NEBL: variants seen among roughly 807,000 people sequenced by gnomAD.
NEBL encodes nebulette.
In NEBL, 122 loss-of-function variants were observed where a neutral mutation model predicts 140.2. That is an observed-to-expected ratio of 0.87 (90% CI 0.75 to 1.01). NEBL has a LOEUF of 1.01. Ranked by LOEUF, NEBL falls within the 50% of genes least tolerant of loss-of-function variation. The probability of loss-of-function intolerance (pLI) is 0.00; values close to 1 mark genes in which losing one functional copy is unlikely to be tolerated. For synonymous variants in NEBL, 436 were observed against 398.9 expected (o/e 1.09, Z -1.11); for missense variants, 1,365 against 1,231.3 (o/e 1.11, Z -1.62).
chr10:20,786,174 GC>G (rs1335214370), intron 27 of NEBL, among the ~76,000 whole-genome samples: 1 of 152,130 alleles, frequency 6.6e-6, no homozygotes, highest in Non-Finnish European at 1.5e-5. Flanking sequence ...CAAAAAGTAG[GC>G]TTTGAAATAA....
intron 3 of NEBL, among the ~76,000 whole-genome samples, chr10:21,180,721 A>G (rs113209489): frequency 6.6e-6 from 1 of 152,062 alleles, no homozygotes; most frequent in Non-Finnish European, 1.5e-5. Context: ...TGCCAATTTT[A>G]TCTCCAAAAA....
chr10:21,103,999 T>C (rs1837595344), intron 2 of NEBL, among the ~76,000 whole-genome samples: 1 of 152,196 alleles, frequency 6.6e-6, no homozygotes, highest in Admixed American at 6.5e-5. Flanking sequence ...TTTGTTTTGT[T>C]TTCTTTTCAT....
At chr10:20,874,042 T>C (rs1845238249) in intron 5 of NEBL, among the ~76,000 whole-genome samples, 1 of 152,234 alleles carries the variant, frequency 6.6e-6, no homozygotes, top group Non-Finnish European at 1.5e-5. Context: ...AATAACAGTA[T>C]AGAGTCTTAT....
At chr10:21,289,614 C>G (rs1843115313) in intron 1 of NEBL, among the ~76,000 whole-genome samples, 2 of 152,238 alleles carry the variant, frequency 1.3e-5, no homozygotes, top group South Asian at 4.2e-4. Flanking sequence ...AGGACTTCTC[C>G]AGAGCACCCA....
At chr10:20,791,478 A>C (rs1445539819) in intron 26 of NEBL, among the ~76,000 whole-genome samples, 1 of 152,144 alleles carries the variant, frequency 6.6e-6, no homozygotes. Flanking sequence ...ATCACAGCTC[A>C]CTTCAGCCTC....
intron 3 of NEBL, among the ~76,000 whole-genome samples, chr10:20,965,034 T>C (rs751400367): frequency 2.2e-4 from 34 of 152,242 alleles, no homozygotes; most frequent in Non-Finnish European, 4.1e-4. Flanking sequence ...ATTCTTCCTA[T>C]GTATGTTACA....
intron 5 of NEBL, among the ~76,000 whole-genome samples, chr10:20,877,387 C>T (rs73607539): frequency 0.022 from 3,367 of 152,254 alleles, 115 homozygotes; most frequent in African/African-American, 0.077. Context: ...CTAGTATATG[C>T]TACTGATATA....
At chr10:20,958,415 A>G (rs2131611867) in intron 4 of NEBL, among the ~76,000 whole-genome samples, 1 of 152,330 alleles carries the variant, frequency 6.6e-6, no homozygotes, top group East Asian at 1.9e-4. Context: ...AGTGCTGAAC[A>G]CATTGGCTGT....
At chr10:20,965,484 C>T (rs1349279682) in intron 3 of NEBL, among the ~76,000 whole-genome samples, 1 of 152,118 alleles carries the variant, frequency 6.6e-6, no homozygotes, top group African/African-American at 2.4e-5. Context: ...CAGAGCAAAG[C>T]CCTAAAACCC....
chr10:20,795,348 G>A (rs1445957260), intron 26 of NEBL, among the ~76,000 whole-genome samples: 1 of 152,132 alleles, frequency 6.6e-6, no homozygotes, highest in Non-Finnish European at 1.5e-5. Flanking sequence ...GTATATGTGT[G>A]GTAAACATCC....
upstream of NEBL, among the ~76,000 whole-genome samples, chr10:20,901,458 C>T (rs1261238976): frequency 6.6e-6 from 1 of 152,068 alleles, no homozygotes; most frequent in African/African-American, 2.4e-5. Flanking sequence ...ACTTATTTCA[C>T]TTTTTTCTCC....
intron 4 of NEBL, among the ~76,000 whole-genome samples, chr10:20,918,253 G>C (rs1327961038): frequency 6.6e-6 from 1 of 152,146 alleles, no homozygotes; most frequent in East Asian, 1.9e-4. Context: ...AGCTACTCAG[G>C]AGGCTGAGGC....
At chr10:20,840,481 T>C (rs1841309970) in intron 13 of NEBL, among the ~76,000 whole-genome samples, 1 of 152,136 alleles carries the variant, frequency 6.6e-6, no homozygotes, top group Non-Finnish European at 1.5e-5. Context: ...GCTTAAAAGA[T>C]GAAGTTAAAT....
In NEBL at chr10:20,823,157, C is replaced by T. The variant is rs543337818; in HGVS notation, c.1962+51G>A. 3.9e-5 allele frequency: 51 copies of T among 1,311,080 alleles called. 1 individual carries two copies. Among genetic ancestry groups the T allele is most frequent in the Middle Eastern group, 2.5e-4 (1 of 3,972 alleles). The allele number at this position is 1,311,080 out of a possible 1,614,324, so 81.2% of individuals were successfully genotyped here. On this transcript the variant is annotated intron_variant, in intron 19 of 27. Coordinates refer to ENST00000377122, the MANE Select transcript of NEBL (RefSeq NM_006393.3). ...CTGTACAGGTTTTATGCTGTCATTACGTGTTGATATACAATAAAATTTTTA... is the reference window on the plus strand; with the variant it reads ...CTGTACAGGTTTTATGCTGTCATTATGTGTTGATATACAATAAAATTTTTA...
intron 2 of NEBL, among the ~76,000 whole-genome samples, chr10:21,154,358 C>T (rs1441380653): frequency 6.6e-6 from 1 of 150,836 alleles, no homozygotes; most frequent in Non-Finnish European, 1.5e-5. Flanking sequence ...ACTCGGGAGG[C>T]TGAGGCAGGA....
intron 2 of NEBL, among the ~76,000 whole-genome samples, chr10:21,123,776 T>C (rs548135827): frequency 2.7e-5 from 4 of 150,600 alleles, no homozygotes; most frequent in African/African-American, 9.7e-5. Context: ...ATCTTCAACA[T>C]ATATAATTTT....
chr10:21,274,215 G>A (rs1176609797), intron 1 of NEBL, among the ~76,000 whole-genome samples: 1 of 152,162 alleles, frequency 6.6e-6, no homozygotes, highest in African/African-American at 2.4e-5. Context: ...CAACATCCTT[G>A]CAGGAAATAC....
intron 2 of NEBL, among the ~76,000 whole-genome samples, chr10:21,135,275 G>C (rs1382718692): frequency 1.3e-5 from 2 of 152,174 alleles, no homozygotes; most frequent in African/African-American, 4.8e-5. Context: ...AAAGCCACTG[G>C]GTGGGGCGAG....
chr10:20,895,475 T>C (rs540937955), intron 2 of NEBL, among the ~76,000 whole-genome samples: 3 of 152,298 alleles, frequency 2.0e-5, no homozygotes, highest in Admixed American at 2.0e-4. Context: ...TCTGTGCCTC[T>C]ATCTCCTCGC....
Sources: allele counts gnomAD v4.1 joint callset (sites outside exome capture counted in the v4.1 genomes callset), GRCh38; gene constraint gnomAD v4.1.1; transcripts MANE v1.5; gene names NCBI Gene and HGNC (gene_info 2026-07-23, HGNC 2026-07-21).